The following COPRS variants were observed in gnomAD, a reference collection of about 807,000 sequenced individuals.
COPRS encodes coordinator of PRMT5 and differentiation stimulator.
COPRS carries 11 observed loss-of-function variants against 19.9 expected under a neutral mutation model. That is an observed-to-expected ratio of 0.55 (90% CI 0.35 to 0.92). COPRS has a LOEUF of 0.92. Among genes scored for constraint, COPRS ranks in the 40% least tolerant of loss-of-function variants. The pLI is 0.01. For missense variants in COPRS, 225 were observed against 229.9 expected, an observed-to-expected ratio of 0.98 and a Z score of 0.14; for synonymous variants, 81 against 82.7, an observed-to-expected ratio of 0.98 and a Z score of 0.11.
In COPRS at chr17:31,852,104, AG is replaced by A; in HGVS notation, c.*34del. On this transcript the variant is annotated 3_prime_UTR_variant, in exon 4 of 4. Transcript: ENST00000302362. Reference sequence around the variant, plus strand: ...GACAGGAAAAGAGATCTTGACGTGGAGGCCCGCCCACCTACAAGGCAGAAAG... The same window carrying A: ...GACAGGAAAAGAGATCTTGACGTGGAGCCCGCCCACCTACAAGGCAGAAAG... 2 of 1,612,160 alleles carry A rather than the reference AG, an allele frequency of 1.2e-6. No individual in the cohort carries two copies. The highest frequency in any genetic ancestry group is 1.7e-6 in the Non-Finnish European group (2 of 1,179,448).
chr17:31,857,831 T>A (rs1208306891), intron 1 of COPRS, among the ~76,000 whole-genome samples: 1 of 152,184 alleles, frequency 6.6e-6, no homozygotes, highest in Non-Finnish European at 1.5e-5. Context: ...GGCAAGAATG[T>A]AACATTTCTT....
In COPRS at chr17:31,859,151, AC is replaced by A; in HGVS notation, c.48del (p.Ser17LeufsTer39). On this transcript the variant is annotated frameshift_variant, in exon 1 of 4. Transcript: ENST00000302362. LOFTEE classifies it high-confidence loss of function. ...GCGCTAGGCAGCGGCGGGCCCCGAG[AC>A]GGCTCCGCGGCCCCCTGCGCCTGGG... The part of the protein sequence containing the change: ...AGAQAQGAAE[P>X]SRGPPLPSAR... The A allele has an allele frequency of 9.3e-7, 1 of 1,074,110 alleles. No individual in the cohort carries two copies. The highest frequency in any genetic ancestry group is 6.7e-5 in the East Asian group (1 of 14,850). The allele number at this position is 1,074,110 out of a possible 1,614,324, so 66.5% of individuals were successfully genotyped here. A position where few individuals can be genotyped will look rare whatever the true frequency, so the allele number is the denominator to read the frequency against.
chr17:31,858,646 AG>A, intron 1 of COPRS: 1 of 1,172,006 alleles, frequency 8.5e-7, no homozygotes, highest in Middle Eastern at 1.9e-4. Context: ...TTCAGTAAGG[AG>A]AAGGGGGAGC....
intron 2 of COPRS, among the ~76,000 whole-genome samples, chr17:31,855,240 A>G (rs145278568): frequency 1.1e-4 from 16 of 151,922 alleles, no homozygotes; most frequent in South Asian, 4.2e-4. Flanking sequence ...GGCCGGGAGC[A>G]GTGGCTCACG....
chr17:31,853,429 G>A (rs1298728113), intron 2 of COPRS, among the ~76,000 whole-genome samples: 2 of 150,328 alleles, frequency 1.3e-5, no homozygotes, highest in Non-Finnish European at 3.0e-5. Flanking sequence ...CGCCCAGGCT[G>A]GAATGCAATG....
At chr17:31,858,265 T>C in intron 1 of COPRS, 1 of 615,294 alleles carries the variant, frequency 1.6e-6, no homozygotes, top group Non-Finnish European at 2.0e-6. Flanking sequence ...ACCACCAGCC[T>C]CTCACCTTGA....
chr17:31,852,323 A>T lies in COPRS; in HGVS notation c.386-15T>A, dbSNP rs762798577. 45 of 1,594,370 alleles carry T rather than the reference A, an allele frequency of 2.8e-5. No individual in the cohort carries two copies. The highest frequency in any genetic ancestry group is 3.7e-5 in the Non-Finnish European group (43 of 1,169,600). ...GTCGTCAGCATCTGCAGGCAGTTTT[A>T]AAAGACAGATTAAGGGAAGGAAGGA... On this transcript the variant is annotated splice_polypyrimidine_tract_variant and intron_variant, in intron 3 of 3. Transcript: ENST00000302362.
Position 31,852,870 on chromosome 17 carries a change from G to GCCA in COPRS, c.324_326dup (p.Gly109dup). ...AGTCCCAGTCCTCATTAAAAAGATC[G>GCCA]CCAGGCTGTTCCTTGGGTGGACAGT... is the stretch of plus-strand genomic sequence containing the variant. On this transcript the variant is annotated inframe_insertion, in exon 3 of 4. Coordinates refer to ENST00000302362, the MANE Select transcript of COPRS (RefSeq NM_018405.4). The GCCA allele has an allele frequency of 6.2e-7, 1 of 1,614,044 alleles. No individual in the cohort carries two copies. Among genetic ancestry groups the GCCA allele is most frequent in the Non-Finnish European group, 8.5e-7 (1 of 1,179,976 alleles).
intron 1 of COPRS, 154 bp downstream of exon 1, chr17:31,858,947 G>C (rs927772534): frequency 4.9e-6 from 7 of 1,428,064 alleles, no homozygotes; most frequent in African/African-American, 3.0e-5. Context: ...TTTTCAGCTC[G>C]AGCGCGAGCC....
intron 2 of COPRS, among the ~76,000 whole-genome samples, chr17:31,856,369 C>T (rs72821912): frequency 0.024 from 3,596 of 152,122 alleles, 58 homozygotes; most frequent in Middle Eastern, 0.041. Flanking sequence ...AACACATTCA[C>T]GTAACTTTCA....
At chr17:31,852,347 G>C (rs780949488) in intron 3 of COPRS, 39 bp from the exon 4 acceptor site, 3 of 1,544,344 alleles carry the variant, frequency 1.9e-6, no homozygotes, top group Non-Finnish European at 2.6e-6. Flanking sequence ...GGGAAGGAAG[G>C]AGGGAAGGAA....
At chr17:31,855,666 A>G (rs889412819) in intron 2 of COPRS, among the ~76,000 whole-genome samples, 4 of 150,922 alleles carry the variant, frequency 2.7e-5, no homozygotes, top group Non-Finnish European at 4.4e-5. Context: ...AGCCTGGGTG[A>G]CAGAGTGAGA....
At chr17:31,856,049 C>T (rs1909340588) in intron 2 of COPRS, among the ~76,000 whole-genome samples, 1 of 149,844 alleles carries the variant, frequency 6.7e-6, no homozygotes, top group Admixed American at 6.6e-5. Context: ...CCTTTGTAAT[C>T]CCAGCACTTT....
chr17:31,855,547 G>A lies in COPRS; in HGVS notation c.166+1252C>T, dbSNP rs1039751725. On this transcript the variant is annotated intron_variant, in intron 2 of 3. Transcript: ENST00000302362. Reference sequence around the variant, plus strand: ...AAATAAATACAAAAATTAGCCAGGCGATATGGTGCACGCCTGTAATCCCAG... The same window carrying A: ...AAATAAATACAAAAATTAGCCAGGCAATATGGTGCACGCCTGTAATCCCAG... Among the ~76,000 whole-genome samples the A allele has an allele frequency of 3.3e-5, 5 of 151,832 alleles. No individual in the cohort carries two copies. In the East Asian group the frequency reaches 7.7e-4, roughly 23 times the overall value.
chr17:31,858,903 C>A, intron 1 of COPRS, 198 bp downstream of exon 1: 2 of 1,507,510 alleles, frequency 1.3e-6, no homozygotes, highest in Non-Finnish European at 1.8e-6. Flanking sequence ...CGGCTTTCCC[C>A]GCCCCGCAGC....
intron 2 of COPRS, among the ~76,000 whole-genome samples, chr17:31,855,728 G>A (rs1909324583): frequency 6.6e-6 from 1 of 151,594 alleles, no homozygotes; most frequent in South Asian, 2.1e-4. Context: ...AAGCGTGGTA[G>A]CTCACACCTG....
Position 31,853,155 on chromosome 17 carries a change from C to A in COPRS, c.167-125G>T, listed in dbSNP as rs576246605. ...AAGTGCACAGAGTCTTCTTTAGCCA[C>A]CGAGCACTTTTTTAAAAATGCACTT... On this transcript the variant is annotated intron_variant, in intron 2 of 3. Transcript: ENST00000302362. 741 of 717,376 alleles carry A rather than the reference C, an allele frequency of 1.0e-3. 3 individuals carry two copies. The highest frequency in any genetic ancestry group is 1.0e-3 in the Non-Finnish European group (426 of 408,538). 44.4% of individuals were successfully genotyped at this position (717,376 alleles called of 1,614,324 possible).
chr17:31,854,829 T>C (rs1288467940), intron 2 of COPRS, among the ~76,000 whole-genome samples: 2 of 150,452 alleles, frequency 1.3e-5, no homozygotes, highest in African/African-American at 4.9e-5. Flanking sequence ...AAGGAAGGAA[T>C]GGAGAATGAC....
chr17:31,853,135 C>T, intron 2 of COPRS, 105 bp from the exon 3 acceptor site: 1 of 790,166 alleles, frequency 1.3e-6, no homozygotes, highest in Admixed American at 2.2e-5. Context: ...AAAACAAGTG[C>T]ACAGAGTCTT....
Sources: allele counts gnomAD v4.1 joint callset (sites outside exome capture counted in the v4.1 genomes callset), GRCh38; gene constraint gnomAD v4.1.1; transcripts MANE v1.5; gene names NCBI Gene and HGNC (gene_info 2026-07-23, HGNC 2026-07-21).